The following AKAP9 variants were observed in gnomAD, a reference collection of about 807,000 sequenced individuals.
AKAP9 encodes A-kinase anchoring protein 9.
A neutral mutation model predicts 488.5 loss-of-function variants in AKAP9; 311 were observed. The ratio of observed to expected loss-of-function variants is 0.64; its 90% CI spans 0.58 to 0.70. AKAP9 has a LOEUF of 0.70. Ranked by LOEUF, AKAP9 falls within the 30% of genes least tolerant of loss-of-function variation. The probability of loss-of-function intolerance (pLI) is 0.00; values close to 1 mark genes in which losing one functional copy is unlikely to be tolerated. For missense variants in AKAP9, 4,215 were observed against 4,374.5 expected, an observed-to-expected ratio of 0.96 and a Z score of 1.03; for synonymous variants, 1,462 against 1,483.5, an observed-to-expected ratio of 0.99 and a Z score of 0.33.
At chr7:92,108,810 A>G (rs1310936057) in intron 49 of AKAP9, 177 bp downstream of exon 49, 7 of 773,270 alleles carry the variant, frequency 9.1e-6, no homozygotes, top group Non-Finnish European at 1.3e-5. Flanking sequence ...CTGACTTTAA[A>G]TAATTTAAGT....
intron 13 of AKAP9, 24 bp downstream of exon 13, chr7:92,022,376 A>T: frequency 2.8e-6 from 4 of 1,450,690 alleles, no homozygotes; most frequent in Non-Finnish European, 3.9e-6. Context: ...ATATACCACA[A>T]TGTGGTGTTT....
Position 92,104,340 on chromosome 7 carries a change from A to G in AKAP9, c.11331-1338A>G, listed in dbSNP as rs574701163. On this transcript the variant is annotated intron_variant, in intron 46 of 49. Coordinates refer to ENST00000356239, the MANE Select transcript of AKAP9 (RefSeq NM_005751.5). ...TGAGTAGCTGGGACTACAGGCGCCCACCACCACACCCGGCTAATTTTTTTG... is the reference window on the plus strand; with the variant it reads ...TGAGTAGCTGGGACTACAGGCGCCCGCCACCACACCCGGCTAATTTTTTTG... 2.2e-4 allele frequency among the ~76,000 whole-genome samples: 34 copies of G among 151,630 alleles called. No individual in the cohort carries two copies. In the East Asian group the frequency reaches 4.7e-3, roughly 21 times the overall value.
chr7:92,061,259 G>C lies in AKAP9; in HGVS notation c.5602-1G>C. 6.2e-7 allele frequency: 1 copy of C among 1,611,432 alleles called. No homozygotes were observed. Among genetic ancestry groups the C allele is most frequent in the Non-Finnish European group, 8.5e-7 (1 of 1,178,360 alleles). On this transcript the variant is annotated splice_acceptor_variant, in intron 22 of 49. Transcript: ENST00000356239. LOFTEE classifies it high-confidence loss of function. Reference sequence around the variant, plus strand: ...TATGTATTGTTTCCCTCTTTGTTTAGCTTGAACATGCGAAAGTGACACAGA... The same window carrying C: ...TATGTATTGTTTCCCTCTTTGTTTACCTTGAACATGCGAAAGTGACACAGA...
chr7:91,980,164 A>T, intron 2 of AKAP9, 125 bp from the exon 3 acceptor site: 1 of 530,314 alleles, frequency 1.9e-6, no homozygotes, highest in East Asian at 3.1e-5. Flanking sequence ...AGTAATTTTT[A>T]CTAGTTTTTT....
intron 1 of AKAP9, among the ~76,000 whole-genome samples, chr7:91,961,824 A>G (rs997409199): frequency 6.6e-6 from 1 of 152,094 alleles, no homozygotes; most frequent in Non-Finnish European, 1.5e-5. Flanking sequence ...AGCCTGGGCA[A>G]CAGAGTGAGA....
Position 92,062,334 on chromosome 7 carries a change from C to T in AKAP9, c.5825C>T (p.Thr1942Ile), listed in dbSNP as rs768512576. Reference protein sequence around the residue: ...TLFERQIQEKTDIIDRLEQEL... With the variant: ...TLFERQIQEKIDIIDRLEQEL... ...TTTGAAAGGCAAATTCAGGAAAAAA[C>T]TGATATAATAGATCGTCTTGAGCAG... is the stretch of plus-strand genomic sequence containing the variant. The change falls in exon 24 of 50, where the codon ACT becomes ATT. Residue 1942 changes from threonine to isoleucine, a missense_variant. This residue lies in a region of AKAP9 where 2,361 missense variants were observed against 2,430.0 expected (regional missense o/e 0.97). Coordinates refer to ENST00000356239, the MANE Select transcript of AKAP9 (RefSeq NM_005751.5). 1.2e-6 allele frequency: 2 copies of T among 1,613,772 alleles called. No homozygotes were observed. The highest frequency in any genetic ancestry group is 3.3e-5 in the Admixed American group (2 of 59,994).
chr7:91,982,937 C>T lies in AKAP9; in HGVS notation c.351+2604C>T, dbSNP rs112944312. Among the ~76,000 whole-genome samples the T allele has an allele frequency of 4.8e-3, 727 of 152,144 alleles. 5 individuals carry two copies. The highest frequency in any genetic ancestry group is 0.017 in the African/African-American group (688 of 41,512). ...TTTTGATTTGCATTTCTCTGATGAC[C>T]AGTGTTGATCATTTTTTCATGTGTC... On this transcript the variant is annotated intron_variant, in intron 3 of 49. Transcript: ENST00000356239.
chr7:92,091,303 G>A (rs1163402505), intron 38 of AKAP9, among the ~76,000 whole-genome samples: 4 of 151,996 alleles, frequency 2.6e-5, no homozygotes, highest in Non-Finnish European at 5.9e-5. Context: ...TAAAGCTGAA[G>A]CAGGCTGGGC....
Position 92,080,132 on chromosome 7 carries a change from C to A in AKAP9, c.7999C>A (p.Gln2667Lys). 1 of 1,592,098 alleles carries A rather than the reference C, an allele frequency of 6.3e-7. No individual in the cohort carries two copies. Residue 2667 changes from glutamine (Q) to lysine (K), a missense_variant, in exon 31 of 50, where the codon CAA becomes AAA. Transcript: ENST00000356239. ...AGAGAAAGAAAAGAAAAGAAGCCCT[C>A]AAGATGTTGAAGTTCTCAAGGTTAG... ...QREKEKKRSP[Q>K]DVEVLKTTTE...
chr7:92,046,120 C>T (rs1806949627), intron 21 of AKAP9, among the ~76,000 whole-genome samples: 2 of 152,160 alleles, frequency 1.3e-5, no homozygotes, highest in East Asian at 3.8e-4. Context: ...AGGCGTGAGC[C>T]ACCATGCCCG....
At chr7:92,066,715 G>T (rs1468916483) in intron 26 of AKAP9, among the ~76,000 whole-genome samples, 169 bp downstream of exon 26, 2 of 152,152 alleles carry the variant, frequency 1.3e-5, no homozygotes, top group East Asian at 3.8e-4. Context: ...CCTGAAAATT[G>T]TTGGTATTGA....
chr7:92,101,203 G>C, intron 45 of AKAP9, 147 bp downstream of exon 45: 1 of 692,486 alleles, frequency 1.4e-6, no homozygotes, highest in East Asian at 2.8e-5. Flanking sequence ...TTGGGAGGCC[G>C]AGATGGGCAG....
chr7:92,081,720 A>T (rs914255121), intron 31 of AKAP9, among the ~76,000 whole-genome samples: 1 of 151,950 alleles, frequency 6.6e-6, no homozygotes, highest in Non-Finnish European at 1.5e-5. Context: ...TTATGAGAAG[A>T]TCTGAAATCG....
Position 92,107,385 on chromosome 7 carries a change from C to T in AKAP9, c.11509C>T (p.Leu3837=). The T allele has an allele frequency of 6.2e-7, 1 of 1,613,792 alleles. No individual in the cohort carries two copies. The highest frequency in any genetic ancestry group is 8.5e-7 in the Non-Finnish European group (1 of 1,179,830). Residue 3837 remains leucine, a synonymous_variant, in exon 48 of 50, where the codon CTG becomes TTG. Coordinates refer to ENST00000356239, the MANE Select transcript of AKAP9 (RefSeq NM_005751.5). ...RHTTYRSRSD[L]DYIRSPLPFQ... ...TACTACGTATCGCTCAAGATCAGAT[C>T]TGGACTATATTAGGTCCCCTTTACC... is the stretch of plus-strand genomic sequence containing the variant.
intron 47 of AKAP9, 137 bp from the exon 48 acceptor site, chr7:92,107,156 A>G: frequency 1.1e-6 from 1 of 889,068 alleles, no homozygotes; most frequent in Non-Finnish European, 1.7e-6. Context: ...TTTATCAAGA[A>G]TAATAGAAAA....
chr7:92,016,030 C>A, intron 10 of AKAP9, 99 bp from the exon 11 acceptor site: 1 of 943,644 alleles, frequency 1.1e-6, no homozygotes, highest in Non-Finnish European at 1.6e-6. Flanking sequence ...TTTTTGTGTG[C>A]CATTTTGACC....
chr7:92,037,518 G>A (rs1389535993), intron 16 of AKAP9, among the ~76,000 whole-genome samples: 1 of 152,098 alleles, frequency 6.6e-6, no homozygotes, highest in African/African-American at 2.4e-5. Flanking sequence ...AATTATCTAT[G>A]GAAAAAGGAC....
chr7:92,041,089 A>G (rs1806033454), intron 18 of AKAP9, 191 bp downstream of exon 18: 1 of 554,922 alleles, frequency 1.8e-6, no homozygotes, highest in African/African-American at 1.9e-5. Context: ...GCAGCTTTAG[A>G]TCTTGTTAGG....
intron 17 of AKAP9, among the ~76,000 whole-genome samples, chr7:92,040,031 C>T (rs1805810713): frequency 6.6e-6 from 1 of 152,072 alleles, no homozygotes; most frequent in South Asian, 2.1e-4. Context: ...GTTAGGTGTT[C>T]TTCAAGACCT....
Sources: allele counts gnomAD v4.1 joint callset (sites outside exome capture counted in the v4.1 genomes callset), GRCh38; gene constraint gnomAD v4.1.1; regional missense constraint gnomAD v4.1.1; transcripts MANE v1.5; gene names NCBI Gene and HGNC (gene_info 2026-07-23, HGNC 2026-07-21).